Variants in SLC25A30 observed in about 807,000 individuals in gnomAD.
SLC25A30 encodes kidney mitochondrial carrier protein 1.
Under a neutral mutation model 42.7 loss-of-function variants are expected in SLC25A30, and 29 were observed. The ratio of observed to expected loss-of-function variants is 0.68; its 90% confidence interval spans 0.51 to 0.93. The LOEUF is 0.93. Ranked by LOEUF, SLC25A30 falls within the 40% of genes least tolerant of loss-of-function variation. SLC25A30 has a pLI of 0.00. For missense variants in SLC25A30, 300 were observed against 359.7 expected (o/e 0.83, Z 1.34); for synonymous variants, 124 against 131.0 (o/e 0.95, Z 0.37).
the SLC25A30 span, among the ~76,000 whole-genome samples, chr13:45,425,157 T>A: frequency 3.1e-5 from 3 of 96,342 alleles, no homozygotes; most frequent in East Asian, 7.9e-4. Context: ...AATATATTGA[T>A]AAATATATAT....
chr13:45,403,377 G>A (rs1260629617), intron 5 of SLC25A30, among the ~76,000 whole-genome samples: 4 of 152,098 alleles, frequency 2.6e-5, no homozygotes, highest in African/African-American at 2.4e-5. Context: ...TAACCATGGC[G>A]TATACCAACT....
chr13:45,419,611 A>C (rs1883826433), upstream of SLC25A30, among the ~76,000 whole-genome samples: 1 of 149,256 alleles, frequency 6.7e-6, no homozygotes, highest in South Asian at 2.2e-4. Flanking sequence ...GAGCCACGGC[A>C]CCCGGCTGTG....
intron 4 of SLC25A30, 39 bp from the exon 5 acceptor site, chr13:45,404,451 G>T: frequency 6.9e-7 from 1 of 1,450,262 alleles, no homozygotes; most frequent in East Asian, 2.3e-5. Flanking sequence ...TACATATTTA[G>T]AGTTCTTCCC....
intron 7 of SLC25A30, among the ~76,000 whole-genome samples, chr13:45,399,410 T>C (rs1233118967): frequency 6.6e-6 from 1 of 152,188 alleles, no homozygotes; most frequent in African/African-American, 2.4e-5. Flanking sequence ...GGTTTCGCCA[T>C]GTTGGCCAGG....
intron 1 of SLC25A30, among the ~76,000 whole-genome samples, chr13:45,415,739 G>A (rs1214061105): frequency 4.4e-5 from 6 of 135,246 alleles, no homozygotes; most frequent in Non-Finnish European, 4.8e-5. Context: ...GTGACAGAGC[G>A]AGACTCCATC....
the SLC25A30 span, among the ~76,000 whole-genome samples, chr13:45,426,601 G>A: frequency 1.3e-5 from 2 of 152,038 alleles, no homozygotes; most frequent in Non-Finnish European, 2.9e-5. Context: ...AGCCTGTTGG[G>A]GTTCATTTGG....
intron 6 of SLC25A30, 71 bp from the exon 7 acceptor site, chr13:45,401,278 A>G (rs925093126): frequency 1.3e-6 from 2 of 1,499,880 alleles, no homozygotes; most frequent in African/African-American, 1.4e-5. Flanking sequence ...AAATGTGCAA[A>G]GGTTCTAATC....
the SLC25A30 span, among the ~76,000 whole-genome samples, chr13:45,425,411 AAT>A: frequency 8.8e-6 from 1 of 113,058 alleles, no homozygotes; most frequent in African/African-American, 3.5e-5. Flanking sequence ...TATATATATA[AAT>A]ATATAAGTAT....
Position 45,395,633 on chromosome 13 carries a change from T to C in SLC25A30, c.*341A>G. ...TCTGATTCTCAGTCATGAGCTGAGATGCATCAGGAGCTACTCTCCCTGAAT... is the reference window on the plus strand; with the variant it reads ...TCTGATTCTCAGTCATGAGCTGAGACGCATCAGGAGCTACTCTCCCTGAAT... On this transcript the variant is annotated 3_prime_UTR_variant, in exon 10 of 10. Transcript: ENST00000519676. 8.5e-7 allele frequency: 1 copy of C among 1,178,500 alleles called. No individual in the cohort carries two copies. The highest frequency in any genetic ancestry group is 3.7e-5 in the Admixed American group (1 of 26,782). 73.0% of individuals were successfully genotyped at this position (1,178,500 alleles called of 1,614,324 possible). A position where few individuals can be genotyped will look rare whatever the true frequency, so the allele number is the denominator to read the frequency against.
intron 1 of SLC25A30, chr13:45,411,692 T>G (rs1883042081): frequency 4.3e-6 from 2 of 463,886 alleles, no homozygotes; most frequent in Non-Finnish European, 8.0e-6. Flanking sequence ...GTGATCTTAA[T>G]TTTTACTGTG....
At chr13:45,421,301 C>A (rs1052365939), upstream of SLC25A30, among the ~76,000 whole-genome samples, 1 of 147,144 alleles carries the variant, frequency 6.8e-6, no homozygotes, top group African/African-American at 2.5e-5. Context: ...ATTGCTGGAA[C>A]CTGGGAAGCA....
intron 8 of SLC25A30, chr13:45,397,873 T>G (rs1881519772): frequency 1.3e-5 from 13 of 985,522 alleles, no homozygotes; most frequent in Non-Finnish European, 1.4e-5. Flanking sequence ...ACAAAGGAGA[T>G]AAACACTGTT....
chr13:45,402,479 T>A, intron 5 of SLC25A30, 109 bp from the exon 6 acceptor site: 3 of 877,530 alleles, frequency 3.4e-6, no homozygotes, highest in Admixed American at 2.1e-5. Flanking sequence ...TAATAACCAT[T>A]AGCAAGGAAA....
At chr13:45,402,708 G>T (rs1882116936) in intron 5 of SLC25A30, 1 of 922,446 alleles carries the variant, frequency 1.1e-6, no homozygotes. Flanking sequence ...ATAGGTGAGA[G>T]AAAAGTTAAT....
chr13:45,419,668 G>A (rs1246542317), upstream of SLC25A30, among the ~76,000 whole-genome samples: 1 of 150,842 alleles, frequency 6.6e-6, no homozygotes, highest in Non-Finnish European at 1.5e-5. Context: ...AGTGGCTTAT[G>A]CCTGTAATCC....
At chr13:45,408,904 G>A in intron 3 of SLC25A30, 23 bp downstream of exon 3, 1 of 1,586,370 alleles carries the variant, frequency 6.3e-7, no homozygotes, top group African/African-American at 1.3e-5. Context: ...CAGTGACACA[G>A]AAATGCATGA....
rs1001722986 is a variant in SLC25A30 at position 45,394,412 on chromosome 13, A to G, written c.*1562T>C. On this transcript the variant is annotated 3_prime_UTR_variant, in exon 10 of 10. Coordinates refer to ENST00000519676, the MANE Select transcript of SLC25A30 (RefSeq NM_001010875.4). ...CTCCAAAAAAACCTGCAGTCCTTCT[A>G]TTCAGTCTCAACAAAGAGACTGGCC... The G allele has an allele frequency of 3.1e-5, 31 of 985,308 alleles. No individual in the cohort carries two copies. Among genetic ancestry groups the G allele is most frequent in the South Asian group, 4.7e-5 (1 of 21,290 alleles). The allele number at this position is 985,308 out of a possible 1,614,324, so 61.0% of individuals were successfully genotyped here.
intron 4 of SLC25A30, 25 bp from the exon 5 acceptor site, chr13:45,404,437 A>T (rs1316596111): frequency 1.8e-5 from 28 of 1,517,380 alleles, no homozygotes; most frequent in Non-Finnish European, 2.5e-5. Context: ...ACATTATTTG[A>T]CTCTACATAT....
rs1881265381 is a variant in SLC25A30 at position 45,395,809 on chromosome 13, T to C, written c.*165A>G. 3 of 1,507,232 alleles carry C rather than the reference T, an allele frequency of 2.0e-6. No individual in the cohort carries two copies. The highest frequency in any genetic ancestry group is 2.7e-6 in the Non-Finnish European group (3 of 1,128,740). 93.4% of individuals were successfully genotyped at this position (1,507,232 alleles called of 1,614,324 possible). A position where few individuals can be genotyped will look rare whatever the true frequency, so the allele number is the denominator to read the frequency against. On this transcript the variant is annotated 3_prime_UTR_variant, in exon 10 of 10. Transcript: ENST00000519676. Reference sequence around the variant, plus strand: ...GCCATTAAACGTTTGATGAAGAGCATCCAATGCCAACACACAGCAATCTCA... The same window carrying C: ...GCCATTAAACGTTTGATGAAGAGCACCCAATGCCAACACACAGCAATCTCA...
Sources: allele counts gnomAD v4.1 joint callset (sites outside exome capture counted in the v4.1 genomes callset), GRCh38; gene constraint gnomAD v4.1.1; transcripts MANE v1.5; gene names NCBI Gene and HGNC (gene_info 2026-07-23, HGNC 2026-07-21).